SUCLG2: variants seen among roughly 807,000 people sequenced by gnomAD.
SUCLG2 encodes succinate-CoA ligase GDP-forming subunit beta.
A neutral mutation model predicts 47.9 loss-of-function variants in SUCLG2; 42 were observed. That is an observed-to-expected ratio of 0.88 (90% CI 0.69 to 1.14). The LOEUF (loss-of-function observed/expected upper bound fraction) is 1.14. SUCLG2 is among the 50% of genes most tolerant of loss of function. The pLI, the probability that SUCLG2 is intolerant of heterozygous loss-of-function variation, is 0.00. For missense variants in SUCLG2, 571 were observed against 525.9 expected (o/e 1.09, Z -0.84); for synonymous variants, 195 against 197.3 (o/e 0.99, Z 0.10).
At chr3:67,424,450 T>C (rs4377498) in intron 9 of SUCLG2, among the ~76,000 whole-genome samples, 123,024 of 152,054 alleles carry the variant, frequency 0.81, 50,096 homozygotes, top group Admixed American at 0.88. Context: ...ATTGGAACTG[T>C]TGCTCTCTGT....
Position 67,485,599 on chromosome 3 carries a change from AT to A in SUCLG2, c.1062+10198del, listed in dbSNP as rs35520490. On this transcript the variant is annotated intron_variant, in intron 9 of 10. Coordinates refer to ENST00000307227, the MANE Select transcript of SUCLG2 (RefSeq NM_003848.4). The stretch of plus-strand genomic sequence containing the variant: ...CAATGACACATAATGCTGGAAGAAA[AT>A]TTTTTAAAATGATAATAGTGGTTGT... 7.9e-5 allele frequency among the ~76,000 whole-genome samples: 12 copies of A among 152,352 alleles called. No individual in the cohort carries two copies. The East Asian group carries it at 1.3e-3, about 17-fold the overall frequency.
chr3:67,566,985 G>GACTAGCCTGGCA (rs1391193947), intron 2 of SUCLG2, among the ~76,000 whole-genome samples: 1 of 152,062 alleles, frequency 6.6e-6, no homozygotes, highest in Non-Finnish European at 1.5e-5. Flanking sequence ...AGGAATTCAA[G>GACTAGCCTGGCA]ACTAGCCTGG....
At chr3:67,395,637 C>T (rs142846072) in intron 10 of SUCLG2, among the ~76,000 whole-genome samples, 1 of 152,046 alleles carries the variant, frequency 6.6e-6, no homozygotes, top group Non-Finnish European at 1.5e-5. Flanking sequence ...ACAACGATAC[C>T]CAGGAATTGA....
intron 2 of SUCLG2, among the ~76,000 whole-genome samples, chr3:67,547,196 G>A (rs1345281275): frequency 6.6e-6 from 1 of 152,110 alleles, no homozygotes; most frequent in Non-Finnish European, 1.5e-5. Context: ...TACCACGTGA[G>A]GACACAGCTA....
intron 1 of SUCLG2, among the ~76,000 whole-genome samples, chr3:67,652,434 G>T (rs942282075): frequency 1.3e-5 from 2 of 152,192 alleles, no homozygotes; most frequent in African/African-American, 4.8e-5. Flanking sequence ...AGAGAAGTGG[G>T]CCATGTTTAA....
At chr3:67,616,221 G>A (rs1311136106) in intron 1 of SUCLG2, among the ~76,000 whole-genome samples, 3 of 152,094 alleles carry the variant, frequency 2.0e-5, no homozygotes, top group Admixed American at 6.6e-5. Flanking sequence ...AGAAATAAAC[G>A]TTTGACGTGT....
intron 2 of SUCLG2, among the ~76,000 whole-genome samples, chr3:67,585,156 G>T (rs1707983739): frequency 6.6e-6 from 1 of 152,122 alleles, no homozygotes; most frequent in Admixed American, 6.5e-5. Context: ...GTTGCATACA[G>T]AGCCCTACAG....
intron 9 of SUCLG2, among the ~76,000 whole-genome samples, chr3:67,475,843 C>T (rs1428983721): frequency 6.6e-6 from 1 of 152,016 alleles, no homozygotes; most frequent in Non-Finnish European, 1.5e-5. Flanking sequence ...CATCAGCCAC[C>T]ATGCCCAACA....
chr3:67,613,809 G>C (rs1285697193), intron 1 of SUCLG2, among the ~76,000 whole-genome samples: 2 of 152,146 alleles, frequency 1.3e-5, no homozygotes, highest in African/African-American at 4.8e-5. Flanking sequence ...GGATCAACTG[G>C]GTAACACTAT....
intron 2 of SUCLG2, among the ~76,000 whole-genome samples, chr3:67,606,987 A>G (rs6784719): frequency 0.49 from 74,270 of 152,084 alleles, 19,058 homozygotes; most frequent in African/African-American, 0.64. Flanking sequence ...ATTACTAGCT[A>G]AAGTACCTGC....
chr3:67,445,123 A>T lies in SUCLG2; in HGVS notation c.1063-44272T>A, dbSNP rs182804584. Among the ~76,000 whole-genome samples the T allele has an allele frequency of 6.1e-3, 405 of 66,916 alleles. 119 individuals carry two copies. The highest frequency in any genetic ancestry group is 0.02 in the African/African-American group (383 of 19,062). The allele number at this position is 66,916 out of a possible 152,430, so 43.9% of individuals were successfully genotyped here. A position where few individuals can be genotyped will look rare whatever the true frequency, so the allele number is the denominator to read the frequency against. ...ACCACCCCGTCTGGGAGGTGAGCCC[A>T]ACCGCTCATTGAGAACGGGCCAGGA... On this transcript the variant is annotated intron_variant, in intron 9 of 10. Coordinates refer to ENST00000307227, the MANE Select transcript of SUCLG2 (RefSeq NM_003848.4).
intron 9 of SUCLG2, among the ~76,000 whole-genome samples, chr3:67,410,434 G>A (rs1702909223): frequency 6.6e-6 from 1 of 152,150 alleles, no homozygotes. Flanking sequence ...ATAGGAAAAG[G>A]AGACAAGGAG....
intron 6 of SUCLG2, among the ~76,000 whole-genome samples, chr3:67,511,123 G>C (rs1167266456): frequency 7.0e-6 from 1 of 143,604 alleles, no homozygotes; most frequent in Non-Finnish European, 1.5e-5. Flanking sequence ...TCCTGACCTC[G>C]TAATCTGCCC....
intron 10 of SUCLG2, among the ~76,000 whole-genome samples, chr3:67,364,561 C>G (rs913512203): frequency 3.3e-5 from 5 of 152,168 alleles, no homozygotes; most frequent in Non-Finnish European, 5.9e-5. Context: ...AATGAAAAGT[C>G]AGAGTGCCCA....
At chr3:67,580,413 TTTTTGAAAAATTTTTC>T (rs1375887926) in intron 2 of SUCLG2, among the ~76,000 whole-genome samples, 1 of 152,246 alleles carries the variant, frequency 6.6e-6, no homozygotes, top group Non-Finnish European at 1.5e-5. Flanking sequence ...CATATTTTAT[TTTTTGAAAAATTTTTC>T]AATAAGCTTT....
At chr3:67,520,444 A>T in intron 5 of SUCLG2, 38 bp downstream of exon 5, 1 of 1,613,582 alleles carries the variant, frequency 6.2e-7, no homozygotes, top group East Asian at 2.2e-5. Context: ...CTACAATAAC[A>T]ATCAATTAAT....
At chr3:67,615,506 T>C (rs541674001) in intron 1 of SUCLG2, among the ~76,000 whole-genome samples, 92 of 151,990 alleles carry the variant, frequency 6.1e-4, no homozygotes, top group Non-Finnish European at 1.1e-3. Flanking sequence ...CATAAAGCAG[T>C]ATTAGAAAGA....
chr3:67,396,688 C>T (rs1362453394), intron 10 of SUCLG2, among the ~76,000 whole-genome samples: 1 of 152,126 alleles, frequency 6.6e-6, no homozygotes, highest in East Asian at 1.9e-4. Context: ...CAGCATCATC[C>T]TGATACCAAA....
intron 6 of SUCLG2, among the ~76,000 whole-genome samples, chr3:67,512,220 G>A (rs1432167118): frequency 6.6e-6 from 1 of 151,024 alleles, no homozygotes; most frequent in Non-Finnish European, 1.5e-5. Flanking sequence ...CTTTTAAAAG[G>A]CTAGTCCCAT....
Sources: gnomAD v4.1 joint callset for allele counts (sites outside exome capture counted in the v4.1 genomes callset) on GRCh38, gnomAD v4.1.1 for gene constraint, MANE v1.5 for transcripts, NCBI Gene and HGNC (gene_info 2026-07-23, HGNC 2026-07-21) for gene names.